Variants in POLR2D observed in about 807,000 individuals in gnomAD.
POLR2D encodes RNA polymerase II subunit D, also known as DNA-directed RNA polymerase II subunit RPB4.
Under a neutral mutation model 17.6 loss-of-function variants are expected in POLR2D, and 10 were observed. The ratio of observed to expected loss-of-function variants is 0.57; its 90% CI spans 0.35 to 0.96. POLR2D has a LOEUF of 0.96. Among genes scored for constraint, POLR2D ranks in the 40% least tolerant of loss-of-function variants. POLR2D has a pLI of 0.02. For synonymous variants in POLR2D, 52 were observed against 60.2 expected (o/e 0.86, Z 0.63); for missense variants, 126 against 176.4 (o/e 0.71, Z 1.62).
chr2:127,855,103 A>G (rs1014008269), intron 1 of POLR2D, among the ~76,000 whole-genome samples: 2 of 152,050 alleles, frequency 1.3e-5, no homozygotes, highest in Non-Finnish European at 2.9e-5. Flanking sequence ...CAATGTTAAG[A>G]GATGCCTCCC....
rs1382811754 is a variant in POLR2D, at chr2:127,847,842, T to C, written c.*265A>G. On this transcript the variant is annotated 3_prime_UTR_variant, in exon 4 of 4. Coordinates refer to ENST00000272645, the MANE Select transcript of POLR2D (RefSeq NM_004805.4). ...AATGAGGTAGTCAACAGTGTGGTTA[T>C]GTGACCCCTCATCTCACACTTCGCA... 3 of 485,236 alleles carry C rather than the reference T, an allele frequency of 6.2e-6. No individual in the cohort carries two copies. The highest frequency in any genetic ancestry group is 1.1e-5 in the Non-Finnish European group (3 of 269,460). The allele number at this position is 485,236 out of a possible 1,614,324, so 30.1% of individuals were successfully genotyped here.
At chr2:127,855,479 T>C (rs1252851966) in intron 1 of POLR2D, among the ~76,000 whole-genome samples, 1 of 152,024 alleles carries the variant, frequency 6.6e-6, no homozygotes, top group Non-Finnish European at 1.5e-5. Flanking sequence ...GAATGGAACT[T>C]TTAGGACACC....
Position 127,847,649 on chromosome 2 carries a change from AAG to A in POLR2D, c.*456_*457del. The A allele has an allele frequency of 5.7e-6, 1 of 175,006 alleles. No homozygotes were observed. The highest frequency in any genetic ancestry group is 1.2e-5 in the Non-Finnish European group (1 of 81,710). 10.8% of individuals were successfully genotyped at this position (175,006 alleles called of 1,614,324 possible). Reference sequence around the variant, plus strand: ...ATCTCCATTTAAAAAAAAAAAAAAAAAGCATTTCAAACTAACAGCGGTTTAAT... The same window carrying A: ...ATCTCCATTTAAAAAAAAAAAAAAAACATTTCAAACTAACAGCGGTTTAAT... On this transcript the variant is annotated 3_prime_UTR_variant, in exon 4 of 4. Transcript: ENST00000272645.
At chr2:127,848,962 G>A (rs1441367185) in intron 3 of POLR2D, among the ~76,000 whole-genome samples, 1 of 151,820 alleles carries the variant, frequency 6.6e-6, no homozygotes, top group Non-Finnish European at 1.5e-5. Flanking sequence ...GCCCGGCCCT[G>A]CATTTTTTCA....
chr2:127,849,405 C>T (rs1690209847), intron 3 of POLR2D, among the ~76,000 whole-genome samples: 2 of 152,154 alleles, frequency 1.3e-5, no homozygotes, highest in Admixed American at 6.5e-5. Context: ...AGTACCTTCC[C>T]TCCTTCCCCA....
Position 127,848,191 on chromosome 2 carries a change from A to G in POLR2D, c.351-6T>C, listed in dbSNP as rs1312658933. ...CTTCAAACCGTCCCTCCAAGCTACA[A>G]GAAAATGAAAAGAAATGAGTGATTT... On this transcript the variant is annotated splice_polypyrimidine_tract_variant and splice_region_variant and intron_variant, in intron 3 of 3. Transcript: ENST00000272645. 6.2e-7 allele frequency: 1 copy of G among 1,600,296 alleles called. No homozygotes were observed. The highest frequency in any genetic ancestry group is 8.5e-7 in the Non-Finnish European group (1 of 1,170,282).
chr2:127,848,044 C>T lies in POLR2D; in HGVS notation c.*63G>A. 1 of 1,083,956 alleles carries T rather than the reference C, an allele frequency of 9.2e-7. No individual in the cohort carries two copies. The highest frequency in any genetic ancestry group is 1.4e-6 in the Non-Finnish European group (1 of 696,640). The allele number at this position is 1,083,956 out of a possible 1,614,324, so 67.1% of individuals were successfully genotyped here. ...AATTTCTGTGCAAGTCAGCCCCAGACAGTGGGAAGGTGGTGTTATGCCTGG... is the reference window on the plus strand; with the variant it reads ...AATTTCTGTGCAAGTCAGCCCCAGATAGTGGGAAGGTGGTGTTATGCCTGG... On this transcript the variant is annotated 3_prime_UTR_variant, in exon 4 of 4. Coordinates refer to ENST00000272645, the MANE Select transcript of POLR2D (RefSeq NM_004805.4).
chr2:127,858,109 CGCGCCGCGCG>C lies in POLR2D; in HGVS notation c.-19_-10del. The C allele has an allele frequency of 6.8e-7, 1 of 1,480,898 alleles. No individual in the cohort carries two copies. The highest frequency in any genetic ancestry group is 9.0e-7 in the Non-Finnish European group (1 of 1,115,110). The allele number at this position is 1,480,898 out of a possible 1,614,324, so 91.7% of individuals were successfully genotyped here. A position where few individuals can be genotyped will look rare whatever the true frequency, so the allele number is the denominator to read the frequency against. On this transcript the variant is annotated 5_prime_UTR_variant, in exon 1 of 4. Transcript: ENST00000272645. ...CTGCCACCCGCCGCCATCGCCGCGC[CGCGCCGCGCG>C]CCACCACCAGCGCCGCCGGAAGCAG...
At position 127,843,618 on chromosome 2, in the gene POLR2D, G is replaced by A. The variant is rs113884588; in HGVS notation, c.*4489C>T. 41 of 152,488 alleles carry A rather than the reference G, an allele frequency of 2.7e-4. No individual in the cohort carries two copies. Among genetic ancestry groups the A allele is most frequent in the African/African-American group, 7.7e-4 (32 of 41,536 alleles). 9.4% of individuals were successfully genotyped at this position (152,488 alleles called of 1,614,324 possible). A position where few individuals can be genotyped will look rare whatever the true frequency, so the allele number is the denominator to read the frequency against. On this transcript the variant is annotated 3_prime_UTR_variant, in exon 4 of 4. Transcript: ENST00000272645. ...CTCATCGATGCTGAAGTCCCATCCA[G>A]TATGCTATTTTTCATGCCTCAGGTC...
rs772000900 is a variant in POLR2D, at chr2:127,853,104, C to T, written c.75G>A (p.Glu25=). 6.2e-7 allele frequency: 1 copy of T among 1,607,654 alleles called. No individual in the cohort carries two copies. Among genetic ancestry groups the T allele is most frequent in the South Asian group, 1.1e-5 (1 of 89,576 alleles). ...EDASQLIFPK[E]FETAETLLNS... ...TTAGAAGTGTCTCAGCTGTTTCAAA[C>T]TCTATTTGTAAGAAGCATAAATGGC... The change falls in exon 2 of 4, where the codon GAG becomes GAA. Residue 25 remains glutamate, a splice_region_variant and synonymous_variant. Coordinates refer to ENST00000272645, the MANE Select transcript of POLR2D (RefSeq NM_004805.4).
chr2:127,848,787 A>AT (rs1690197119), intron 3 of POLR2D, among the ~76,000 whole-genome samples: 1 of 152,190 alleles, frequency 6.6e-6, no homozygotes, highest in South Asian at 2.1e-4. Context: ...AAGTGCTGGG[A>AT]TTACAGGCGT....
chr2:127,854,505 G>A (rs1457254706), intron 1 of POLR2D, among the ~76,000 whole-genome samples: 5 of 152,130 alleles, frequency 3.3e-5, no homozygotes, highest in Non-Finnish European at 7.4e-5. Context: ...TACTATCAGG[G>A]AAATCACTAA....
At chr2:127,850,207 G>A (rs956231969) in intron 3 of POLR2D, among the ~76,000 whole-genome samples, 5 of 152,036 alleles carry the variant, frequency 3.3e-5, no homozygotes, top group African/African-American at 9.7e-5. Context: ...CTGGGAGGCC[G>A]AGGCGGGTGG....
At chr2:127,850,464 A>AAAT in intron 3 of POLR2D, 126 bp downstream of exon 3, 1 of 384,912 alleles carries the variant, frequency 2.6e-6, no homozygotes, top group Non-Finnish European at 4.9e-6. Flanking sequence ...AAAAAAAAAA[A>AAAT]GGCACTTTCA....
chr2:127,849,137 C>A (rs931596804), intron 3 of POLR2D, among the ~76,000 whole-genome samples: 1 of 152,062 alleles, frequency 6.6e-6, no homozygotes, highest in African/African-American at 2.4e-5. Context: ...CATCACCTCT[C>A]GGGTTCCAGT....
Position 127,850,164 on chromosome 2 carries a change from G to A in POLR2D, c.350+426C>T, listed in dbSNP as rs553964732. ...ACTGTTAAAAGGGCACTTTTGGCTG[G>A]GCACGGTGGCTCACGCCTGTAATCC... is the stretch of plus-strand genomic sequence containing the variant. On this transcript the variant is annotated intron_variant, in intron 3 of 3. Coordinates refer to ENST00000272645, the MANE Select transcript of POLR2D (RefSeq NM_004805.4). Among the ~76,000 whole-genome samples, 42 of 152,182 alleles carry A rather than the reference G, an allele frequency of 2.8e-4. No individual in the cohort carries two copies. In the Middle Eastern group the frequency reaches 0.014, roughly 50 times the overall value.
rs1690372140 is a variant in POLR2D at position 127,858,094 on chromosome 2, CCGCCATCGCCGCGCCGCGCCGCG to C, written c.-17_6del. On this transcript the variant is annotated start_lost and 5_prime_UTR_variant, in exon 1 of 4. Coordinates refer to ENST00000272645, the MANE Select transcript of POLR2D (RefSeq NM_004805.4). The stretch of plus-strand genomic sequence containing the variant: ...CCAGCCCGCGGATCGCTGCCACCCG[CCGCCATCGCCGCGCCGCGCCGCG>C]CGCCACCACCAGCGCCGCCGGAAGC... 3 of 1,504,530 alleles carry C rather than the reference CCGCCATCGCCGCGCCGCGCCGCG, an allele frequency of 2.0e-6. No homozygotes were observed. Among genetic ancestry groups the C allele is most frequent in the African/African-American group, 1.4e-5 (1 of 69,154 alleles). 93.2% of individuals were successfully genotyped at this position (1,504,530 alleles called of 1,614,324 possible).
At position 127,848,046 on chromosome 2, in the gene POLR2D, G is replaced by T; in HGVS notation, c.*61C>A. On this transcript the variant is annotated 3_prime_UTR_variant, in exon 4 of 4. Transcript: ENST00000272645. ...TTTCTGTGCAAGTCAGCCCCAGACA[G>T]TGGGAAGGTGGTGTTATGCCTGGGG... The T allele has an allele frequency of 9.2e-7, 1 of 1,092,032 alleles. No individual in the cohort carries two copies. Among genetic ancestry groups the T allele is most frequent in the Non-Finnish European group, 1.4e-6 (1 of 703,714 alleles). 67.6% of individuals were successfully genotyped at this position (1,092,032 alleles called of 1,614,324 possible). A position where few individuals can be genotyped will look rare whatever the true frequency, so the allele number is the denominator to read the frequency against.
At chr2:127,857,978 C>G in intron 1 of POLR2D, 50 bp downstream of exon 1, 1 of 1,563,050 alleles carries the variant, frequency 6.4e-7, no homozygotes, top group Middle Eastern at 1.7e-4. Flanking sequence ...GCCAGGCCTG[C>G]GGCGACCACG....
Sources: allele counts gnomAD v4.1 joint callset (sites outside exome capture counted in the v4.1 genomes callset), GRCh38; gene constraint gnomAD v4.1.1; transcripts MANE v1.5; gene names NCBI Gene and HGNC (gene_info 2026-07-23, HGNC 2026-07-21).